ARHGAP20: variants seen among roughly 807,000 people sequenced by gnomAD.
ARHGAP20 encodes the protein rho GTPase-activating protein 20.
In ARHGAP20, 34 loss-of-function variants were observed where a neutral mutation model predicts 73.7. That is an observed-to-expected ratio of 0.46 (90% CI 0.35 to 0.61). The LOEUF is 0.61. ARHGAP20 is among the 20% of genes least tolerant of loss of function. ARHGAP20 has a pLI of 0.00. For missense variants in ARHGAP20, 1,314 were observed against 1,420.9 expected (o/e 0.92, Z 1.21); for synonymous variants, 523 against 518.2 (o/e 1.01, Z -0.13).
In ARHGAP20 at chr11:110,581,164, C is replaced by T. The variant is rs1459624609; in HGVS notation, c.1782G>A (p.Glu594=). The T allele has an allele frequency of 6.2e-7, 1 of 1,614,102 alleles. No individual in the cohort carries two copies. The highest frequency in any genetic ancestry group is 8.5e-7 in the Non-Finnish European group (1 of 1,180,014). ...AGTCACTGCATGGTGCATCAACATC[C>T]TCATTTAGCTCATTTTCCAAGCTGT... ...SYDSLENELN[E]DVDAPCSDLV... Residue 594 remains glutamate, a synonymous_variant, in exon 15 of 15, where the codon GAG becomes GAA. Transcript: ENST00000683387.
At position 110,648,210 on chromosome 11, in the gene ARHGAP20, AATATATATATGTATAT is replaced by A. The variant is rs1412000614; in HGVS notation, c.189-17434_189-17419del. Reference sequence around the variant, plus strand: ...ATATGTAAATATATATATATATGTAAATATATATATGTATATATATATATATGTAAATATATATATG... The same window carrying A: ...ATATGTAAATATATATATATATGTAAATATATATATGTAAATATATATATG... On this transcript the variant is annotated intron_variant, in intron 2 of 14. Coordinates refer to ENST00000683387, the MANE Select transcript of ARHGAP20 (RefSeq NM_001384657.1). Among the ~76,000 whole-genome samples the A allele has an allele frequency of 3.9e-4, 44 of 113,294 alleles. 1 individual carries two copies. Among genetic ancestry groups the A allele is most frequent in the African/African-American group, 1.3e-3 (33 of 25,888 alleles). The allele number at this position is 113,294 out of a possible 152,430, so 74.3% of individuals were successfully genotyped here. A position where few individuals can be genotyped will look rare whatever the true frequency, so the allele number is the denominator to read the frequency against.
intron 6 of ARHGAP20, among the ~76,000 whole-genome samples, chr11:110,612,509 A>G (rs1948392935): frequency 6.6e-6 from 1 of 152,120 alleles, no homozygotes; most frequent in Admixed American, 6.5e-5. Context: ...TGAATTCCAA[A>G]ATACATTATT....
intron 2 of ARHGAP20, among the ~76,000 whole-genome samples, chr11:110,671,008 C>A (rs970901816): frequency 2.6e-5 from 4 of 151,996 alleles, no homozygotes; most frequent in Non-Finnish European, 4.4e-5. Context: ...CTAAGGAAAT[C>A]TGAATATAGT....
rs1163992490 is a variant in ARHGAP20 at position 110,577,977 on chromosome 11, CT to C, written c.*1392del. On this transcript the variant is annotated 3_prime_UTR_variant, in exon 15 of 15. Transcript: ENST00000683387. Reference sequence around the variant, plus strand: ...AGAGAAAGGTCCATCTGATGGTGAACTAAAGAGTTTAAATAAATGGGCTCAG... The same window carrying C: ...AGAGAAAGGTCCATCTGATGGTGAACAAAGAGTTTAAATAAATGGGCTCAG... The C allele has an allele frequency of 1.0e-6, 1 of 985,070 alleles. No homozygotes were observed. The highest frequency in any genetic ancestry group is 6.2e-5 in the Admixed American group (1 of 16,256). The allele number at this position is 985,070 out of a possible 1,614,324, so 61.0% of individuals were successfully genotyped here. A position where few individuals can be genotyped will look rare whatever the true frequency, so the allele number is the denominator to read the frequency against.
intron 9 of ARHGAP20, among the ~76,000 whole-genome samples, chr11:110,594,394 G>T (rs559348063): frequency 7.9e-5 from 12 of 152,224 alleles, no homozygotes; most frequent in Non-Finnish European, 1.5e-4. Context: ...GCCCTCAAAG[G>T]CTTATTGAAA....
At position 110,577,596 on chromosome 11, in the gene ARHGAP20, ATATAT is replaced by A; in HGVS notation, c.*1769_*1773del. Reference sequence around the variant, plus strand: ...GGAAAGGGGAGTCCCTGCTGACTTTATATATTATACCAAAAAAGATGCATATGGAC... The same window carrying A: ...GGAAAGGGGAGTCCCTGCTGACTTTATATACCAAAAAAGATGCATATGGAC... On this transcript the variant is annotated 3_prime_UTR_variant, in exon 15 of 15. Transcript: ENST00000683387. 3 of 986,610 alleles carry A rather than the reference ATATAT, an allele frequency of 3.0e-6. No individual in the cohort carries two copies. The African/African-American group carries it at 5.2e-5, about 17-fold the overall frequency. 61.1% of individuals were successfully genotyped at this position (986,610 alleles called of 1,614,324 possible).
intron 13 of ARHGAP20, among the ~76,000 whole-genome samples, chr11:110,582,736 A>C (rs970978594): frequency 2.6e-5 from 4 of 152,262 alleles, no homozygotes; most frequent in East Asian, 1.9e-4. Context: ...AAAATTTATA[A>C]AGCATCATTA....
intron 2 of ARHGAP20, among the ~76,000 whole-genome samples, chr11:110,653,323 T>G (rs750089558): frequency 1.3e-5 from 2 of 152,122 alleles, no homozygotes; most frequent in African/African-American, 2.4e-5. Context: ...AACCTATCCA[T>G]CTGACAAAGG....
chr11:110,603,297 G>C (rs1021977649), intron 9 of ARHGAP20, among the ~76,000 whole-genome samples: 38 of 152,152 alleles, frequency 2.5e-4, no homozygotes, highest in Admixed American at 2.5e-3. Context: ...GATTGAACTT[G>C]TTATGAATGA....
chr11:110,604,800 G>A (rs1375400187), intron 9 of ARHGAP20, among the ~76,000 whole-genome samples: 1 of 152,178 alleles, frequency 6.6e-6, no homozygotes, highest in Non-Finnish European at 1.5e-5. Context: ...CCTGATGACT[G>A]ATCTACTGAT....
At chr11:110,584,527 G>C (rs1591293789) in intron 12 of ARHGAP20, among the ~76,000 whole-genome samples, 1 of 151,714 alleles carries the variant, frequency 6.6e-6, no homozygotes, top group Non-Finnish European at 1.5e-5. Flanking sequence ...GACTGACAAT[G>C]AGCATAGTTT....
Position 110,579,323 on chromosome 11 carries a change from T to C in ARHGAP20, c.*47A>G. 6.6e-7 allele frequency: 1 copy of C among 1,521,812 alleles called. No homozygotes were observed. The highest frequency in any genetic ancestry group is 8.8e-7 in the Non-Finnish European group (1 of 1,133,188). 94.3% of individuals were successfully genotyped at this position (1,521,812 alleles called of 1,614,324 possible). ...GGGTCATAATAATTATTGTCTATTATTATTAACCCAGTTCCTGTTCTTGTG... is the reference window on the plus strand; with the variant it reads ...GGGTCATAATAATTATTGTCTATTACTATTAACCCAGTTCCTGTTCTTGTG... On this transcript the variant is annotated 3_prime_UTR_variant, in exon 15 of 15. Transcript: ENST00000683387.
intron 1 of ARHGAP20, among the ~76,000 whole-genome samples, chr11:110,700,348 A>G (rs1353264664): frequency 2.6e-5 from 4 of 152,006 alleles, no homozygotes; most frequent in Non-Finnish European, 4.4e-5. Flanking sequence ...AGAACTCTAA[A>G]TTTTCAAGGC....
intron 4 of ARHGAP20, among the ~76,000 whole-genome samples, chr11:110,620,928 G>C (rs1948614551): frequency 6.6e-6 from 1 of 151,940 alleles, no homozygotes; most frequent in Admixed American, 6.6e-5. Context: ...AAAAAAATTA[G>C]CTGGGCGCGG....
intron 2 of ARHGAP20, among the ~76,000 whole-genome samples, chr11:110,631,150 T>A (rs1474292745): frequency 6.6e-6 from 1 of 152,238 alleles, no homozygotes; most frequent in Non-Finnish European, 1.5e-5. Context: ...TGCTTCAGCA[T>A]ACATATCATT....
intron 4 of ARHGAP20, among the ~76,000 whole-genome samples, chr11:110,622,992 C>A (rs933488855): frequency 6.6e-6 from 1 of 151,526 alleles, no homozygotes; most frequent in African/African-American, 2.4e-5. Context: ...GTAGTCATAC[C>A]CTCACTTAAA....
At chr11:110,689,818 C>T (rs1950208013) in intron 2 of ARHGAP20, among the ~76,000 whole-genome samples, 1 of 152,080 alleles carries the variant, frequency 6.6e-6, no homozygotes, top group Non-Finnish European at 1.5e-5. Context: ...CAGAAGTATG[C>T]CAACATACAA....
At chr11:110,648,170 TAAATATATATATATATATGTAA>T (rs1949242407) in intron 2 of ARHGAP20, among the ~76,000 whole-genome samples, 2 of 73,904 alleles carry the variant, frequency 2.7e-5, no homozygotes, top group African/African-American at 4.6e-5. Context: ...TATATATATG[TAAATATATATATATATATGTAA>T]ATATATATAT....
At chr11:110,692,033 A>G (rs958366083) in intron 1 of ARHGAP20, among the ~76,000 whole-genome samples, 1 of 152,184 alleles carries the variant, frequency 6.6e-6, no homozygotes, top group African/African-American at 2.4e-5. Flanking sequence ...CGGAGTTATC[A>G]TCGGATTCCC....
Sources: gnomAD v4.1 joint callset for allele counts (sites outside exome capture counted in the v4.1 genomes callset) on GRCh38, gnomAD v4.1.1 for gene constraint, MANE v1.5 for transcripts, NCBI Gene and HGNC (gene_info 2026-07-23, HGNC 2026-07-21) for gene names.